Variants in SAMD12 observed in about 807,000 individuals in gnomAD.
SAMD12 encodes the protein sterile alpha motif domain containing 12.
SAMD12 carries 9 observed loss-of-function variants against 15.0 expected under a neutral mutation model. The ratio of observed to expected loss-of-function variants is 0.60; its 90% CI spans 0.36 to 1.05. SAMD12 has a LOEUF of 1.05. SAMD12 is among the 50% of genes least tolerant of loss of function. The probability of loss-of-function intolerance (pLI) is 0.01; values close to 1 mark genes in which losing one functional copy is unlikely to be tolerated. For synonymous variants in SAMD12, 86 were observed against 90.1 expected (o/e 0.96, Z 0.25); for missense variants, 230 against 234.2 (o/e 0.98, Z 0.12).
At chr8:118,165,474 T>G in the SAMD12 span, among the ~76,000 whole-genome samples, 1 of 151,582 alleles carries the variant, frequency 6.6e-6, no homozygotes, top group Non-Finnish European at 1.5e-5. Context: ...TAGACTGGTC[T>G]CAAACTCCTG....
intron 4 of SAMD12, among the ~76,000 whole-genome samples, chr8:118,288,958 A>G (rs149041434): frequency 6.6e-6 from 1 of 152,344 alleles, no homozygotes; most frequent in African/African-American, 2.4e-5. Flanking sequence ...CTTCCTGGTC[A>G]TTTTGGAATT....
intron 2 of SAMD12, among the ~76,000 whole-genome samples, chr8:118,556,930 C>T (rs904340045): frequency 6.6e-6 from 1 of 151,552 alleles, no homozygotes; most frequent in Non-Finnish European, 1.5e-5. Flanking sequence ...TGCCACCACA[C>T]TCCAGCCCAG....
intron 4 of SAMD12, chr8:118,282,266 T>C (rs1813685263): frequency 2.2e-6 from 1 of 456,142 alleles, no homozygotes; most frequent in African/African-American, 2.0e-5. Flanking sequence ...GAGGAACTTT[T>C]AACTTGGGTC....
intron 2 of SAMD12, among the ~76,000 whole-genome samples, chr8:118,554,644 T>C (rs1326982114): frequency 2.0e-5 from 3 of 151,858 alleles, no homozygotes; most frequent in Admixed American, 1.3e-4. Context: ...ACCTGCACAT[T>C]GTGCACATGT....
At chr8:118,619,633 A>G (rs934526446) in intron 1 of SAMD12, among the ~76,000 whole-genome samples, 24 of 152,292 alleles carry the variant, frequency 1.6e-4, no homozygotes, top group African/African-American at 5.5e-4. Context: ...AGCATTGAGT[A>G]CCTATTATGG....
chr8:118,161,421 CA>C, the SAMD12 span, among the ~76,000 whole-genome samples: 9 of 150,000 alleles, frequency 6.0e-5, no homozygotes, highest in Admixed American at 2.7e-4. Context: ...CTGTCTCTAC[CA>C]AAAAAAAATT....
chr8:118,198,369 G>C (rs889144150), intron 4 of SAMD12, among the ~76,000 whole-genome samples: 1 of 152,186 alleles, frequency 6.6e-6, no homozygotes, highest in Admixed American at 6.5e-5. Flanking sequence ...GTATTTTCCT[G>C]AGTGTTCTAA....
chr8:118,350,637 A>G (rs1285804453), intron 4 of SAMD12, among the ~76,000 whole-genome samples: 2 of 152,176 alleles, frequency 1.3e-5, no homozygotes, highest in Non-Finnish European at 1.5e-5. Context: ...AGTGCCTAGG[A>G]TTTGCCTGAG....
intron 2 of SAMD12, among the ~76,000 whole-genome samples, chr8:118,540,141 T>C (rs1362990276): frequency 6.6e-6 from 1 of 152,154 alleles, no homozygotes; most frequent in African/African-American, 2.4e-5. Context: ...TCTCACACTT[T>C]CAGCTGTTCC....
chr8:118,463,463 G>A (rs1823496879), intron 2 of SAMD12, among the ~76,000 whole-genome samples: 1 of 152,170 alleles, frequency 6.6e-6, no homozygotes, highest in Non-Finnish European at 1.5e-5. Flanking sequence ...TGGCGAGTGG[G>A]CAGGAGAAAA....
rs912471013 is a variant in SAMD12 at position 118,469,710 on chromosome 8, G to A, written c.193-29749C>T. Among the ~76,000 whole-genome samples the A allele has an allele frequency of 6.1e-5, 9 of 146,796 alleles. No individual in the cohort carries two copies. In the East Asian group the frequency reaches 6.2e-4, roughly 10 times the overall value. On this transcript the variant is annotated intron_variant, in intron 2 of 3. Transcript: ENST00000314727. ...CCCGAGTAGCTGGGATTATAGGCGC[G>A]TGCCACCACGCCTGGCTATTTTTTG... is the stretch of plus-strand genomic sequence containing the variant.
chr8:118,157,423 A>G, the SAMD12 span, among the ~76,000 whole-genome samples: 2 of 152,256 alleles, frequency 1.3e-5, no homozygotes, highest in Admixed American at 1.3e-4. Context: ...ACAGAAGGTC[A>G]GGAATGGAAT....
At chr8:118,292,185 C>A (rs1364126769) in intron 4 of SAMD12, among the ~76,000 whole-genome samples, 1 of 151,236 alleles carries the variant, frequency 6.6e-6, no homozygotes, top group Admixed American at 6.6e-5. Flanking sequence ...ACTGCAAATA[C>A]GGTGCTGTGT....
At chr8:118,224,124 G>A in intron 4 of SAMD12, among the ~76,000 whole-genome samples, 1 of 152,202 alleles carries the variant, frequency 6.6e-6, no homozygotes, top group East Asian at 1.9e-4. Flanking sequence ...ATTGTATGTT[G>A]GAAGTTGATA....
At chr8:118,309,042 C>T (rs1815489642) in intron 4 of SAMD12, among the ~76,000 whole-genome samples, 2 of 152,046 alleles carry the variant, frequency 1.3e-5, no homozygotes, top group South Asian at 4.1e-4. Context: ...TGTTTGTTTA[C>T]ATGAATAAGT....
the SAMD12 span, among the ~76,000 whole-genome samples, chr8:118,164,389 G>A: frequency 5.9e-5 from 9 of 152,050 alleles, no homozygotes; most frequent in South Asian, 2.1e-4. Flanking sequence ...GTCAAGGGTC[G>A]CCTCAAGCAA....
At chr8:118,440,080 G>A (rs993026153) in intron 2 of SAMD12, 119 bp from the exon 3 acceptor site, 1 of 982,420 alleles carries the variant, frequency 1.0e-6, no homozygotes. Flanking sequence ...TAAATATCTA[G>A]TTCTTGTCTT....
the SAMD12 span, among the ~76,000 whole-genome samples, chr8:118,164,745 G>A: frequency 6.6e-6 from 1 of 151,280 alleles, no homozygotes; most frequent in Non-Finnish European, 1.5e-5. Context: ...ATCTATAATA[G>A]AGAAATAAAT....
chr8:118,316,369 C>CAAAAAA (rs71307444), intron 4 of SAMD12, among the ~76,000 whole-genome samples: 4 of 114,148 alleles, frequency 3.5e-5, no homozygotes, highest in East Asian at 4.9e-4. Flanking sequence ...CCCATGTCTA[C>CAAAAAA]AAAAAAAAAA....
Sources: allele counts gnomAD v4.1 joint callset (sites outside exome capture counted in the v4.1 genomes callset), GRCh38; gene constraint gnomAD v4.1.1; transcripts MANE v1.5; gene names NCBI Gene and HGNC (gene_info 2026-07-23, HGNC 2026-07-21).